Variants in ADAMTSL1 observed in about 807,000 individuals in gnomAD.
ADAMTSL1 encodes ADAMTS-like protein 1.
Under a neutral mutation model 201.8 loss-of-function variants are expected in ADAMTSL1, and 126 were observed. That is an observed-to-expected ratio of 0.62 (90% CI 0.54 to 0.72). ADAMTSL1 has a LOEUF of 0.72. ADAMTSL1 is among the 30% of genes least tolerant of loss of function. The probability of loss-of-function intolerance (pLI) is 0.00; values close to 1 mark genes in which losing one functional copy is unlikely to be tolerated. For synonymous variants in ADAMTSL1, 1,121 were observed against 903.4 expected, an observed-to-expected ratio of 1.24 and a Z score of -4.32; for missense variants, 2,679 against 2,277.8, an observed-to-expected ratio of 1.18 and a Z score of -3.59.
chr9:18,243,438 C>T (rs189311191), intron 2 of ADAMTSL1, among the ~76,000 whole-genome samples: 2 of 152,200 alleles, frequency 1.3e-5, no homozygotes, highest in African/African-American at 4.8e-5. Context: ...AGTGATGCCT[C>T]GAGGAACAAA....
Position 18,692,060 on chromosome 9 carries a change from A to G in ADAMTSL1, c.1574+7260A>G, listed in dbSNP as rs140692222. 8.3e-4 allele frequency among the ~76,000 whole-genome samples: 127 copies of G among 152,296 alleles called. 1 individual carries two copies. Among genetic ancestry groups the G allele is most frequent in the African/African-American group, 3.0e-3 (123 of 41,566 alleles). The stretch of plus-strand genomic sequence containing the variant: ...AACAACAATATTTAACTCAAAACTC[A>G]GCTAGTGGGTTCCCAGCTTACACCA... On this transcript the variant is annotated intron_variant, in intron 13 of 28. Transcript: ENST00000380548.
At chr9:18,634,578 G>A (rs1417090951) in intron 5 of ADAMTSL1, among the ~76,000 whole-genome samples, 1 of 151,508 alleles carries the variant, frequency 6.6e-6, no homozygotes, top group Non-Finnish European at 1.5e-5. Flanking sequence ...AGTGGCTCAC[G>A]CCTGTAATCC....
At chr9:18,009,549 C>T (rs1819968282) in intron 1 of ADAMTSL1, among the ~76,000 whole-genome samples, 1 of 152,020 alleles carries the variant, frequency 6.6e-6, no homozygotes, top group Non-Finnish European at 1.5e-5. Flanking sequence ...TGGTGAAGAA[C>T]TTAGCATAAT....
At chr9:18,423,722 C>T (rs555914430) in intron 2 of ADAMTSL1, among the ~76,000 whole-genome samples, 59 of 152,234 alleles carry the variant, frequency 3.9e-4, no homozygotes, top group African/African-American at 1.3e-3. Context: ...GCCTGAGCTG[C>T]GTTAGAAAAG....
chr9:18,162,952 C>T (rs1268090261), intron 1 of ADAMTSL1, among the ~76,000 whole-genome samples: 3 of 151,936 alleles, frequency 2.0e-5, no homozygotes, highest in African/African-American at 7.2e-5. Flanking sequence ...AAGCATTTTA[C>T]ATGTTATTTC....
intron 2 of ADAMTSL1, among the ~76,000 whole-genome samples, chr9:18,454,945 T>C (rs1402377783): frequency 1.3e-5 from 2 of 152,150 alleles, no homozygotes; most frequent in African/African-American, 4.8e-5. Context: ...TAAAACAAAA[T>C]AGAATTTAAT....
chr9:18,075,651 G>A (rs967424623), intron 1 of ADAMTSL1, among the ~76,000 whole-genome samples: 2 of 152,200 alleles, frequency 1.3e-5, no homozygotes, highest in Admixed American at 1.3e-4. Context: ...AGGAAGAAAA[G>A]GCAAAGATCA....
chr9:18,052,315 C>G (rs1214527512), intron 1 of ADAMTSL1, among the ~76,000 whole-genome samples: 3 of 152,180 alleles, frequency 2.0e-5, no homozygotes, highest in African/African-American at 4.8e-5. Context: ...AAAGAATGAG[C>G]TACTAAGCTA....
Position 17,945,600 on chromosome 9 carries a change from A to C in ADAMTSL1, c.87+38678A>C, listed in dbSNP as rs576576690. ...AACAATGATAGACTGGATTAAGAAA[A>C]TGTGGCACATATACACCATGGAATA... On this transcript the variant is annotated intron_variant, in intron 1 of 29. Coordinates refer to the ADAMTSL1 transcript ENST00000680146. 2.3e-4 allele frequency among the ~76,000 whole-genome samples: 35 copies of C among 152,266 alleles called. No homozygotes were observed. The South Asian group carries it at 6.2e-3, about 27-fold the overall frequency.
At chr9:17,973,735 T>G (rs201742663) in intron 1 of ADAMTSL1, among the ~76,000 whole-genome samples, 1 of 139,966 alleles carries the variant, frequency 7.1e-6, no homozygotes, top group African/African-American at 2.6e-5. Flanking sequence ...GATGGCATTG[T>G]ATCTATAAAT....
chr9:18,715,841 A>G (rs1832894039), intron 14 of ADAMTSL1, among the ~76,000 whole-genome samples: 1 of 152,012 alleles, frequency 6.6e-6, no homozygotes, highest in South Asian at 2.1e-4. Context: ...AAGCCATACT[A>G]CAAGGCTACA....
intron 7 of ADAMTSL1, among the ~76,000 whole-genome samples, chr9:18,651,963 T>C (rs1037120355): frequency 3.9e-5 from 6 of 152,022 alleles, no homozygotes; most frequent in African/African-American, 1.2e-4. Context: ...ATGAGGCAGA[T>C]TGACCATCCT....
At chr9:18,008,995 C>T (rs1373812659) in intron 1 of ADAMTSL1, among the ~76,000 whole-genome samples, 1 of 151,992 alleles carries the variant, frequency 6.6e-6, no homozygotes, top group Non-Finnish European at 1.5e-5. Flanking sequence ...GGGTGAGCAG[C>T]AAGAATGACT....
At chr9:17,982,680 G>A (rs780491234) in intron 1 of ADAMTSL1, among the ~76,000 whole-genome samples, 5 of 152,244 alleles carry the variant, frequency 3.3e-5, no homozygotes, top group East Asian at 1.9e-4. Context: ...AACTGAGTGC[G>A]TGGAATCACA....
At chr9:18,497,390 T>C (rs1027506047) in intron 1 of ADAMTSL1, among the ~76,000 whole-genome samples, 5 of 152,176 alleles carry the variant, frequency 3.3e-5, no homozygotes, top group Admixed American at 6.5e-5. Flanking sequence ...AATTGAGCAC[T>C]CTCTAGGTCT....
At chr9:18,675,959 G>T in intron 10 of ADAMTSL1, 52 bp downstream of exon 10, 1 of 1,462,756 alleles carries the variant, frequency 6.8e-7, no homozygotes, top group Non-Finnish European at 9.6e-7. Context: ...GTCTTCTGCT[G>T]CTTATCTATA....
At chr9:18,525,655 A>C (rs2132059013) in intron 2 of ADAMTSL1, among the ~76,000 whole-genome samples, 1 of 152,210 alleles carries the variant, frequency 6.6e-6, no homozygotes, top group East Asian at 1.9e-4. Flanking sequence ...CTTTGTTCTC[A>C]CTGGTTTCAA....
chr9:17,922,079 A>C (rs921920118), intron 1 of ADAMTSL1, among the ~76,000 whole-genome samples: 1 of 103,620 alleles, frequency 9.7e-6, no homozygotes, highest in Admixed American at 1.4e-4. Context: ...GTGTGATTGC[A>C]GTTCAGGCTT....
At chr9:18,745,184 T>G (rs937593457) in intron 15 of ADAMTSL1, among the ~76,000 whole-genome samples, 11 of 152,180 alleles carry the variant, frequency 7.2e-5, no homozygotes, top group African/African-American at 2.7e-4. Context: ...TAATATTGAT[T>G]GATGATTACT....
Sources: allele counts gnomAD v4.1 joint callset (sites outside exome capture counted in the v4.1 genomes callset), GRCh38; gene constraint gnomAD v4.1.1; transcripts MANE v1.5; gene names NCBI Gene and HGNC (gene_info 2026-07-23, HGNC 2026-07-21).